RADIL: variants seen among roughly 807,000 people sequenced by gnomAD.
The protein encoded by RADIL is ras-associating and dilute domain-containing protein.
In RADIL, 99 loss-of-function variants were observed where a neutral mutation model predicts 97.6. The ratio of observed to expected loss-of-function variants is 1.01; its 90% confidence interval spans 0.86 to 1.20. The LOEUF is 1.20. Among genes scored for constraint, RADIL ranks in the 50% most tolerant of loss-of-function variants. The probability of loss-of-function intolerance (pLI) is 0.00; values close to 1 mark genes in which losing one functional copy is unlikely to be tolerated. For missense variants in RADIL, 1,765 were observed against 1,498.9 expected (o/e 1.18, Z -2.93); for synonymous variants, 803 against 691.8 (o/e 1.16, Z -2.52).
At chr7:4,852,692 G>A (rs1233997653) in intron 2 of RADIL, among the ~76,000 whole-genome samples, 2 of 152,130 alleles carry the variant, frequency 1.3e-5, no homozygotes, top group Admixed American at 6.5e-5. Context: ...ACAGGCATGT[G>A]CCACCACACC....
intron 2 of RADIL, chr7:4,860,986 CAAG>C (rs1562454359): frequency 1.9e-6 from 3 of 1,614,184 alleles, no homozygotes; most frequent in South Asian, 1.1e-5. Flanking sequence ...CTGAAAATAC[CAAG>C]AAGAATTTCC....
Position 4,865,832 on chromosome 7 carries a change from G to GT in RADIL, c.535+11772dup, listed in dbSNP as rs2115039434. ...GCAGCGGAGGCAGAAAGGGAGGTGA[G>GT]TGAACCCCTTTTCTGTGTTGAGATA... On this transcript the variant is annotated intron_variant, in intron 2 of 14. Coordinates refer to ENST00000399583, the MANE Select transcript of RADIL (RefSeq NM_018059.5). 22 of 727,876 alleles carry GT rather than the reference G, an allele frequency of 3.0e-5. 1 individual carries two copies. Among genetic ancestry groups the GT allele is most frequent in the South Asian group, 3.0e-4 (21 of 69,588 alleles). 45.1% of individuals were successfully genotyped at this position (727,876 alleles called of 1,614,324 possible).
rs1342499226 is a variant in RADIL at position 4,798,144 on chromosome 7, T to C, written c.*1234A>G. On this transcript the variant is annotated 3_prime_UTR_variant, in exon 15 of 15. Transcript: ENST00000399583. Reference sequence around the variant, plus strand: ...TAAATATATATACAAACACTATATATATATATATATTTTATCCAGTATTTT... The same window carrying C: ...TAAATATATATACAAACACTATATACATATATATATTTTATCCAGTATTTT... The C allele has an allele frequency of 6.7e-6, 1 of 149,310 alleles. No individual in the cohort carries two copies. The highest frequency in any genetic ancestry group is 2.4e-5 in the African/African-American group (1 of 40,930). The allele number at this position is 149,310 out of a possible 1,614,324, so 9.2% of individuals were successfully genotyped here.
chr7:4,810,698 A>G (rs10277297), intron 9 of RADIL, among the ~76,000 whole-genome samples: 4,535 of 152,334 alleles, frequency 0.03, 92 homozygotes, highest in African/African-American at 0.051. Flanking sequence ...GGTCAGCTTC[A>G]GCTGACGCTG....
At chr7:4,861,852 C>A in intron 2 of RADIL, 1 of 1,322,148 alleles carries the variant, frequency 7.6e-7, no homozygotes, top group Non-Finnish European at 9.8e-7. Flanking sequence ...CCCACCACCG[C>A]GACCTTCGCG....
rs146948250 is a variant in RADIL at position 4,818,259 on chromosome 7, C to T, written c.1616-908G>A. On this transcript the variant is annotated intron_variant, in intron 6 of 14. Transcript: ENST00000399583. The surrounding 1 kb of genome is among the most constrained non-coding windows in gnomAD (Gnocchi z 7.1). ...GCCTGGTGAGCCAGGCCAACACTCA[C>T]CCCAGCGCGGGCCTCCCAGGAGCAC... is the stretch of plus-strand genomic sequence containing the variant. Among the ~76,000 whole-genome samples the T allele has an allele frequency of 2.5e-4, 38 of 152,304 alleles. No homozygotes were observed. The highest frequency in any genetic ancestry group is 5.0e-4 in the Non-Finnish European group (34 of 68,008).
chr7:4,854,238 C>T lies in RADIL; in HGVS notation c.536-17633G>A, dbSNP rs1783775142. ...GACCAGGAAAGCCACCGTTACCAGC[C>T]CCGAACTTACTGTTAGGTGAAAGAA... On this transcript the variant is annotated intron_variant, in intron 2 of 14. Coordinates refer to ENST00000399583, the MANE Select transcript of RADIL (RefSeq NM_018059.5). The surrounding 1 kb of genome is among the most constrained non-coding windows in gnomAD (Gnocchi z 5.1). 6.6e-6 allele frequency among the ~76,000 whole-genome samples: 1 copy of T among 152,100 alleles called. No homozygotes were observed. Among genetic ancestry groups the T allele is most frequent in the Non-Finnish European group, 1.5e-5 (1 of 68,024 alleles).
intron 2 of RADIL, chr7:4,861,655 G>C (rs371428896): frequency 6.2e-7 from 1 of 1,605,762 alleles, no homozygotes; most frequent in African/African-American, 1.3e-5. Flanking sequence ...CCTCTTCGAA[G>C]ACCCCGAAGG....
intron 14 of RADIL, 23 bp downstream of exon 14, chr7:4,799,607 G>A (rs568488424): frequency 2.2e-5 from 35 of 1,605,344 alleles, no homozygotes; most frequent in South Asian, 8.8e-5. Flanking sequence ...AGAAGGGGCC[G>A]GGCGTGCATG....
At chr7:4,829,382 G>A (rs981245382) in intron 5 of RADIL, among the ~76,000 whole-genome samples, 2 of 152,196 alleles carry the variant, frequency 1.3e-5, no homozygotes, top group Non-Finnish European at 2.9e-5. Flanking sequence ...AGTGGAAGGC[G>A]TTCGGAGCTC....
rs201943875 is a variant in RADIL at position 4,822,451 on chromosome 7, T to A, written c.1558A>T (p.Ile520Phe). The A allele has an allele frequency of 1.8e-4, 288 of 1,612,838 alleles. 1 individual carries two copies. Among genetic ancestry groups the A allele is most frequent in the Non-Finnish European group, 2.3e-4 (275 of 1,179,978 alleles). ...ATGTAGAGTGGGCATTTCTGCTGGA[T>A]AAAGTACAGGAGCTCGATGGAGTTA... ...MSNSIELLYFIQQKCPLYMQS... is the reference protein window; with the variant it reads ...MSNSIELLYFFQQKCPLYMQS... The change falls in exon 6 of 15, where the codon ATC (isoleucine) becomes TTC (phenylalanine). Residue 520 changes from isoleucine to phenylalanine, a missense_variant. Transcript: ENST00000399583. This position sits in a 1 kb window ranked among gnomAD's most constrained non-coding sequence, Gnocchi z 5.3.
chr7:4,809,386 C>G (rs960783688), intron 9 of RADIL: 4 of 985,250 alleles, frequency 4.1e-6, no homozygotes, highest in Non-Finnish European at 3.6e-6. Flanking sequence ...CGGGGGGAGG[C>G]GGAGATCCTG....
intron 13 of RADIL, 38 bp from the exon 14 acceptor site, chr7:4,799,807 G>A (rs528581279): frequency 3.8e-5 from 56 of 1,467,154 alleles, no homozygotes; most frequent in East Asian, 1.5e-4. Flanking sequence ...CCGCAGGCCC[G>A]ACTGGCTGTC....
intron 2 of RADIL, chr7:4,860,986 C>A (rs752787385): frequency 6.2e-7 from 1 of 1,614,066 alleles, no homozygotes; most frequent in African/African-American, 1.3e-5. Context: ...CTGAAAATAC[C>A]AAGAAGAATT....
chr7:4,861,997 C>T (rs902926371), intron 2 of RADIL: 2 of 440,702 alleles, frequency 4.5e-6, no homozygotes, highest in Non-Finnish European at 8.0e-6. Context: ...CCCAACATGG[C>T]GCCAGACCCC....
At position 4,801,929 on chromosome 7, in the gene RADIL, G is replaced by A. The variant is rs754024751; in HGVS notation, c.2566C>T (p.Pro856Ser). 5.7e-6 allele frequency: 9 copies of A among 1,568,246 alleles called. No individual in the cohort carries two copies. The highest frequency in any genetic ancestry group is 5.2e-6 in the Non-Finnish European group (6 of 1,158,952). Residue 856 changes from proline to serine, a missense_variant, in exon 12 of 15, where the codon CCT becomes TCT. Coordinates refer to ENST00000399583, the MANE Select transcript of RADIL (RefSeq NM_018059.5). ...GCCACTTCCCGGGCTGCTGGGCCAGGGTCCCTGGGAGCCAGGGGGCAGCTC... is the reference window on the plus strand; with the variant it reads ...GCCACTTCCCGGGCTGCTGGGCCAGAGTCCCTGGGAGCCAGGGGGCAGCTC... ...APSCPLAPRD[P>S]GPAAREVAPE...
intron 2 of RADIL, among the ~76,000 whole-genome samples, chr7:4,868,742 G>T (rs1404388722): frequency 3.3e-5 from 5 of 152,300 alleles, no homozygotes; most frequent in African/African-American, 7.2e-5. Flanking sequence ...TATCTATACA[G>T]TGTCCTTGGT....
At chr7:4,861,561 T>C in intron 2 of RADIL, 1 of 1,614,016 alleles carries the variant, frequency 6.2e-7, no homozygotes, top group African/African-American at 1.3e-5. Flanking sequence ...GGAAGACTCT[T>C]GCTTTCACTG....
Position 4,878,014 on chromosome 7 carries a change from G to T in RADIL, c.126C>A (p.Thr42=). The T allele has an allele frequency of 6.2e-7, 1 of 1,611,102 alleles. No homozygotes were observed. The highest frequency in any genetic ancestry group is 8.5e-7 in the Non-Finnish European group (1 of 1,179,372). Residue 42 remains threonine, a synonymous_variant, in exon 2 of 15, where the codon ACC becomes ACA. Transcript: ENST00000399583. The surrounding 1 kb of genome is among the most constrained non-coding windows in gnomAD (Gnocchi z 4.1). The part of the protein sequence containing the change: ...LSYKYRDLDS[T]FSSLGASDDP... ...CATCGCTGGCGCCCAGGCTGGAGAA[G>T]GTGGAGTCCAGGTCCCGGTACTTGT...
Sources: allele counts gnomAD v4.1 joint callset (sites outside exome capture counted in the v4.1 genomes callset), GRCh38; gene constraint gnomAD v4.1.1; non-coding constraint Gnocchi (gnomAD v3.1); transcripts MANE v1.5; gene names NCBI Gene and HGNC (gene_info 2026-07-23, HGNC 2026-07-21).